The following TRAK2 variants were observed in gnomAD, a reference collection of about 807,000 sequenced individuals.
TRAK2 encodes trafficking kinesin-binding protein 2.
A neutral mutation model predicts 104.6 loss-of-function variants in TRAK2; 81 were observed. The observed-to-expected ratio is 0.77, with a 90% CI of 0.65 to 0.93. The LOEUF (loss-of-function observed/expected upper bound fraction) is 0.93. Ranked by LOEUF, TRAK2 falls within the 40% of genes least tolerant of loss-of-function variation. TRAK2 has a pLI of 0.00. For missense variants in TRAK2, 1,002 were observed against 1,089.0 expected, an observed-to-expected ratio of 0.92 and a Z score of 1.12; for synonymous variants, 406 against 394.4, an observed-to-expected ratio of 1.03 and a Z score of -0.35.
intron 7 of TRAK2, among the ~76,000 whole-genome samples, chr2:201,396,765 G>A (rs1043449565): frequency 5.9e-5 from 9 of 152,260 alleles, no homozygotes; most frequent in East Asian, 1.9e-4. Context: ...TATATACTGC[G>A]TGGAGATACT....
intron 2 of TRAK2, chr2:201,411,782 C>A (rs1448897660): frequency 2.5e-6 from 2 of 797,512 alleles, no homozygotes; most frequent in Non-Finnish European, 4.6e-6. Flanking sequence ...ATTCCAAAAT[C>A]TTTCCTAAGC....
rs941518793 is a variant in TRAK2, at chr2:201,410,889, T to C, written c.92-3292A>G. The C allele has an allele frequency of 2.5e-6, 4 of 1,588,300 alleles. No homozygotes were observed. The African/African-American group carries it at 5.4e-5, about 21-fold the overall frequency. On this transcript the variant is annotated intron_variant, in intron 2 of 15. Transcript: ENST00000332624. Reference sequence around the variant, plus strand: ...GAGGAACATTCAAAGCACTGAAGTTTGGCAAAGTGGGAGGTGTTCCAGAGT... The same window carrying C: ...GAGGAACATTCAAAGCACTGAAGTTCGGCAAAGTGGGAGGTGTTCCAGAGT...
intron 10 of TRAK2, among the ~76,000 whole-genome samples, chr2:201,391,806 T>C (rs940627911): frequency 2.0e-5 from 3 of 152,162 alleles, no homozygotes; most frequent in African/African-American, 7.2e-5. Flanking sequence ...ATCATGAGGA[T>C]GCATCAGACA....
intron 2 of TRAK2, chr2:201,411,748 C>G: frequency 1.3e-6 from 1 of 782,270 alleles, no homozygotes; most frequent in African/African-American, 1.7e-5. Context: ...AGGATACCAT[C>G]AAGTACCAAC....
Position 201,379,673 on chromosome 2 carries a change from T to G in TRAK2, c.*870A>C, listed in dbSNP as rs1488784936. The G allele has an allele frequency of 2.0e-5, 3 of 152,608 alleles. No homozygotes were observed. The highest frequency in any genetic ancestry group is 7.2e-5 in the African/African-American group (3 of 41,462). The allele number at this position is 152,608 out of a possible 1,614,324, so 9.5% of individuals were successfully genotyped here. A position where few individuals can be genotyped will look rare whatever the true frequency, so the allele number is the denominator to read the frequency against. On this transcript the variant is annotated 3_prime_UTR_variant, in exon 16 of 16. Transcript: ENST00000332624. ...TAACCCCTTCCAGCCTCCAAGGAATTTTTAAAAACATGCAATTATGTTTGT... is the reference window on the plus strand; with the variant it reads ...TAACCCCTTCCAGCCTCCAAGGAATGTTTAAAAACATGCAATTATGTTTGT...
At chr2:201,450,358 T>G (rs544512732) in intron 1 of TRAK2, among the ~76,000 whole-genome samples, 1 of 151,260 alleles carries the variant, frequency 6.6e-6, no homozygotes, top group East Asian at 2.0e-4. Context: ...GAGGTTGCAG[T>G]GAGCCGAGAT....
In TRAK2 at chr2:201,423,037, CCACACACACACACACA is replaced by C. The variant is rs142826543; in HGVS notation, c.-199-2347_-199-2332del. ...TGGAATAACAACAGCAACACCACCACCACACACACACACACACACACACACACACACACACACACAC... is the reference window on the plus strand; with the variant it reads ...TGGAATAACAACAGCAACACCACCACCACACACACACACACACACACACAC... On this transcript the variant is annotated intron_variant, in intron 1 of 15. Transcript: ENST00000332624. Among the ~76,000 whole-genome samples, 209 of 134,224 alleles carry C rather than the reference CCACACACACACACACA, an allele frequency of 1.6e-3. 1 individual carries two copies. The highest frequency in any genetic ancestry group is 5.1e-3 in the African/African-American group (180 of 35,390). 88.1% of individuals were successfully genotyped at this position (134,224 alleles called of 152,430 possible).
At chr2:201,435,791 G>T (rs187654883) in intron 1 of TRAK2, among the ~76,000 whole-genome samples, 1 of 152,282 alleles carries the variant, frequency 6.6e-6, no homozygotes, top group East Asian at 1.9e-4. Context: ...AAACTGCTCT[G>T]CAAGAGACAG....
rs868332892 is a variant in TRAK2, at chr2:201,389,405, T to C, written c.1292A>G (p.Asn431Ser). 5.0e-6 allele frequency: 8 copies of C among 1,614,040 alleles called. No individual in the cohort carries two copies. The African/African-American group carries it at 6.7e-5, about 13-fold the overall frequency. The part of the protein sequence containing the change: ...FPALLPIPGS[N>S]RSSVIMTAKP... ...TGCTGTCATGATGACACTTGAACGG[T>C]TGGAGCCTGGAATGGGTAACAGAGC... The change falls in exon 12 of 16, where the codon AAC becomes AGC. Residue 431 changes from asparagine to serine, a missense_variant. Physicochemically the swap from Asn to Ser is conservative, Grantham distance 46 (BLOSUM62 1). Coordinates refer to ENST00000332624, the MANE Select transcript of TRAK2 (RefSeq NM_015049.3).
intron 1 of TRAK2, chr2:201,433,501 G>C (rs181325609): frequency 6.6e-6 from 1 of 152,242 alleles, no homozygotes; most frequent in Admixed American, 6.5e-5. Flanking sequence ...AAATCCATTC[G>C]TTTAAACGTC....
intron 2 of TRAK2, among the ~76,000 whole-genome samples, chr2:201,419,756 T>A (rs1443854059): frequency 6.6e-6 from 1 of 152,194 alleles, no homozygotes; most frequent in Non-Finnish European, 1.5e-5. Context: ...TGGGTTTTGA[T>A]GGGTTTCAGA....
chr2:201,384,345 G>A, intron 14 of TRAK2, 129 bp from the exon 15 acceptor site: 2 of 702,356 alleles, frequency 2.8e-6, no homozygotes, highest in Non-Finnish European at 4.8e-6. Flanking sequence ...CCCAAATCTG[G>A]AAATGAAATA....
intron 1 of TRAK2, among the ~76,000 whole-genome samples, chr2:201,441,307 A>G (rs1951918231): frequency 6.6e-6 from 1 of 152,252 alleles, no homozygotes; most frequent in African/African-American, 2.4e-5. Flanking sequence ...CTCATAGGAA[A>G]GCCAAAACTC....
intron 2 of TRAK2, chr2:201,419,057 AT>A (rs1951717293): frequency 6.6e-6 from 1 of 152,206 alleles, no homozygotes; most frequent in Non-Finnish European, 1.5e-5. Flanking sequence ...TGGGCAAATG[AT>A]TTGAATAAAC....
intron 2 of TRAK2, among the ~76,000 whole-genome samples, chr2:201,417,241 C>CAAAA (rs61702415): frequency 1.1e-3 from 94 of 88,266 alleles, no homozygotes; most frequent in Middle Eastern, 6.8e-3. Flanking sequence ...GAAGACATTG[C>CAAAA]AAAAAAAAAA....
At chr2:201,421,011 T>C (rs1372733213) in intron 1 of TRAK2, among the ~76,000 whole-genome samples, 1 of 152,238 alleles carries the variant, frequency 6.6e-6, no homozygotes, top group Non-Finnish European at 1.5e-5. Context: ...ATATGTTTAT[T>C]ATTTTGACTG....
chr2:201,395,413 A>T lies in TRAK2; in HGVS notation c.801T>A (p.Thr267=), dbSNP rs756157123. ...CATCACTCTTCCCTGACAATTCTTC[A>T]GTCATTCTGGACATCTGAGCATTTG... is the stretch of plus-strand genomic sequence containing the variant. The part of the protein sequence containing the change: ...RETNAQMSRM[T]EELSGKSDEL... Residue 267 remains threonine (T), a synonymous_variant, in exon 8 of 16, where the codon ACT becomes ACA. Coordinates refer to ENST00000332624, the MANE Select transcript of TRAK2 (RefSeq NM_015049.3). 5 of 1,580,294 alleles carry T rather than the reference A, an allele frequency of 3.2e-6. No homozygotes were observed. Among genetic ancestry groups the T allele is most frequent in the Non-Finnish European group, 3.5e-6 (4 of 1,156,318 alleles).
chr2:201,424,385 A>C (rs1951768612), intron 1 of TRAK2, among the ~76,000 whole-genome samples: 1 of 152,220 alleles, frequency 6.6e-6, no homozygotes, highest in East Asian at 1.9e-4. Flanking sequence ...CAAGTGATAC[A>C]TTTTAAAAAA....
At chr2:201,396,977 T>C (rs1951508440) in intron 7 of TRAK2, among the ~76,000 whole-genome samples, 1 of 152,224 alleles carries the variant, frequency 6.6e-6, no homozygotes, top group Non-Finnish European at 1.5e-5. Context: ...AACTGTTGTA[T>C]TTATGGAGAA....
Sources: allele counts gnomAD v4.1 joint callset (sites outside exome capture counted in the v4.1 genomes callset), GRCh38; gene constraint gnomAD v4.1.1; transcripts MANE v1.5; gene names NCBI Gene and HGNC (gene_info 2026-07-23, HGNC 2026-07-21).